Variants in GUCY2F observed in about 807,000 individuals in gnomAD.
The protein encoded by GUCY2F is guanylate cyclase 2F, retinal, also known as retinal guanylyl cyclase 2.
A neutral mutation model predicts 73.1 loss-of-function variants in GUCY2F; 61 were observed. The ratio of observed to expected loss-of-function variants is 0.83; its 90% CI spans 0.68 to 1.03. The LOEUF (loss-of-function observed/expected upper bound fraction) is 1.03. Among genes scored for constraint, GUCY2F ranks in the 50% least tolerant of loss-of-function variants. The pLI is 0.00. For missense variants in GUCY2F, 912 were observed against 854.3 expected (o/e 1.07, Z -0.84); for synonymous variants, 331 against 307.8 (o/e 1.08, Z -0.79).
chrX:109,419,056 G>A (rs1327102719), intron 8 of GUCY2F, among the ~76,000 whole-genome samples: 1 of 109,969 alleles, frequency 9.1e-6, no homozygotes, highest in Non-Finnish European at 1.9e-5. Context: ...ATAATCCTAA[G>A]AGCCCTATAT....
intron 8 of GUCY2F, among the ~76,000 whole-genome samples, chrX:109,423,395 G>A (rs901723736): frequency 1.8e-5 from 2 of 110,881 alleles, no homozygotes; most frequent in African/African-American, 6.6e-5. Flanking sequence ...GCATTTCAAC[G>A]TGTGTAACTG....
At chrX:109,439,865 A>G (rs1001487250) in intron 7 of GUCY2F, among the ~76,000 whole-genome samples, 1 of 111,993 alleles carries the variant, frequency 8.9e-6, no homozygotes, top group Non-Finnish European at 1.9e-5. Flanking sequence ...AGTAATCTCC[A>G]AGAAGAATCA....
rs1569365724 is a variant in GUCY2F, at chrX:109,430,382, C to T, written c.1716G>A (p.Trp572Ter). 1.9e-5 allele frequency: 21 copies of T among 1,095,958 alleles called. No individual in the cohort carries two copies. The highest frequency in any genetic ancestry group is 2.5e-5 in the Non-Finnish European group (20 of 790,002). 90.3% of individuals were successfully genotyped at this position (1,095,958 alleles called of 1,213,427 possible). A position where few individuals can be genotyped will look rare whatever the true frequency, so the allele number is the denominator to read the frequency against. ...NIAIYEGDWVWLKKFSLGDFG... is the reference protein window; with the variant it reads ...NIAIYEGDWV ...AATCTCCAAGGGAGAACTTTTTCAG[C>T]CACACCCAATCACCCTAGAAAGAAA... Residue 572 changes from tryptophan to a stop codon, truncating the protein, a stop_gained, in exon 8 of 20, where the codon TGG becomes TGA. Transcript: ENST00000218006. LOFTEE classifies it high-confidence loss of function.
intron 9 of GUCY2F, among the ~76,000 whole-genome samples, chrX:109,407,523 T>C (rs1278675550): frequency 3.5e-5 from 4 of 113,098 alleles, no homozygotes; most frequent in African/African-American, 9.6e-5. Flanking sequence ...GAGCCTAATG[T>C]TAATCCACAA....
chrX:109,390,931 T>A (rs1347445090), intron 14 of GUCY2F, among the ~76,000 whole-genome samples: 1 of 112,554 alleles, frequency 8.9e-6, no homozygotes, highest in Non-Finnish European at 1.9e-5. Flanking sequence ...CTGTCTAATC[T>A]GAGATAAACA....
chrX:109,454,504 G>T (rs1932214920), intron 3 of GUCY2F, among the ~76,000 whole-genome samples: 1 of 111,753 alleles, frequency 8.9e-6, no homozygotes, highest in Non-Finnish European at 1.9e-5. Flanking sequence ...AGAGTATAGA[G>T]AATGTGAATT....
At chrX:109,418,716 C>T (rs955076197) in intron 8 of GUCY2F, among the ~76,000 whole-genome samples, 1 of 109,436 alleles carries the variant, frequency 9.1e-6, no homozygotes, top group Admixed American at 9.7e-5. Context: ...AATGAATAAA[C>T]CAAAAATAAG....
intron 1 of GUCY2F, among the ~76,000 whole-genome samples, chrX:109,479,466 T>C (rs1032648631): frequency 1.3e-4 from 14 of 111,912 alleles, no homozygotes; most frequent in African/African-American, 3.9e-4. Flanking sequence ...TTGCCTACTC[T>C]AGGTCTCTCC....
Position 109,432,729 on chromosome X carries a change from C to T in GUCY2F, c.1702-2333G>A, listed in dbSNP as rs762555748. Among the ~76,000 whole-genome samples, 86 of 112,364 alleles carry T rather than the reference C, an allele frequency of 7.7e-4. 1 individual carries two copies. The highest frequency in any genetic ancestry group is 1.1e-4 in the Non-Finnish European group (6 of 53,297). The stretch of plus-strand genomic sequence containing the variant: ...GATACATCCCCCAGACACCAGGGAG[C>T]ACATTCCACTAGCAGCATGGATGCT... On this transcript the variant is annotated intron_variant, in intron 7 of 19. Transcript: ENST00000218006.
intron 3 of GUCY2F, among the ~76,000 whole-genome samples, chrX:109,460,148 G>A (rs1478826166): frequency 1.8e-5 from 2 of 110,992 alleles, no homozygotes; most frequent in African/African-American, 6.5e-5. Context: ...ATCAACCAAG[G>A]ACATCTTATA....
At chrX:109,398,824 C>T (rs947432220) in intron 10 of GUCY2F, 126 bp from the exon 11 acceptor site, 7 of 549,592 alleles carry the variant, frequency 1.3e-5, no homozygotes, top group Non-Finnish European at 2.0e-5. Flanking sequence ...GACTGCCATG[C>T]TAGTGCCCCC....
At chrX:109,394,530 T>C (rs1930656346) in intron 12 of GUCY2F, among the ~76,000 whole-genome samples, 1 of 112,185 alleles carries the variant, frequency 8.9e-6, no homozygotes, top group South Asian at 3.7e-4. Context: ...AAGCATCTCA[T>C]TGCTGTACTC....
intron 11 of GUCY2F, among the ~76,000 whole-genome samples, chrX:109,396,506 A>G (rs1269887276): frequency 9.0e-6 from 1 of 111,056 alleles, no homozygotes; most frequent in Non-Finnish European, 1.9e-5. Flanking sequence ...ATGACTCCCC[A>G]TCACCCACAG....
chrX:109,454,917 T>C, intron 3 of GUCY2F, among the ~76,000 whole-genome samples: 1 of 111,293 alleles, frequency 9.0e-6, no homozygotes, highest in Non-Finnish European at 1.9e-5. Flanking sequence ...TTTCACAAGA[T>C]CTAGAAAGCT....
At chrX:109,430,935 C>T (rs1048436345) in intron 7 of GUCY2F, among the ~76,000 whole-genome samples, 30 of 111,120 alleles carry the variant, frequency 2.7e-4, no homozygotes, top group Non-Finnish European at 4.5e-4. Flanking sequence ...AGTCACAATC[C>T]AATTGTCTTT....
At chrX:109,422,618 C>T (rs1164934610) in intron 8 of GUCY2F, among the ~76,000 whole-genome samples, 1 of 111,940 alleles carries the variant, frequency 8.9e-6, no homozygotes, top group Non-Finnish European at 1.9e-5. Flanking sequence ...TAACTGACAA[C>T]ATCAAATATT....
intron 6 of GUCY2F, among the ~76,000 whole-genome samples, chrX:109,444,298 C>T (rs960375832): frequency 2.7e-5 from 3 of 112,080 alleles, no homozygotes; most frequent in Non-Finnish European, 5.7e-5. Flanking sequence ...TAATTTGACT[C>T]CAACTGCTCA....
chrX:109,445,039 A>G (rs1385374889), intron 6 of GUCY2F, among the ~76,000 whole-genome samples: 1 of 111,356 alleles, frequency 9.0e-6, no homozygotes, highest in Non-Finnish European at 1.9e-5. Context: ...ACCACATTCT[A>G]GTTTCTTCGT....
intron 7 of GUCY2F, among the ~76,000 whole-genome samples, chrX:109,436,358 C>G (rs1489039454): frequency 3.6e-5 from 4 of 110,491 alleles, no homozygotes; most frequent in African/African-American, 9.9e-5. Context: ...TAGTTCAACC[C>G]TTGTGGAAGT....
Sources: gnomAD v4.1 joint callset for allele counts (sites outside exome capture counted in the v4.1 genomes callset) on GRCh38, gnomAD v4.1.1 for gene constraint, MANE v1.5 for transcripts, NCBI Gene and HGNC (gene_info 2026-07-23, HGNC 2026-07-21) for gene names.